YIPF1: variants seen among roughly 807,000 people sequenced by gnomAD.
YIPF1 encodes protein YIPF1.
A neutral mutation model predicts 37.0 loss-of-function variants in YIPF1; 22 were observed. The ratio of observed to expected loss-of-function variants is 0.59; its 90% CI spans 0.42 to 0.85. The LOEUF (loss-of-function observed/expected upper bound fraction) is 0.85. Among genes scored for constraint, YIPF1 ranks in the 40% least tolerant of loss-of-function variants. The pLI is 0.00. For missense variants in YIPF1, 355 were observed against 373.1 expected (o/e 0.95, Z 0.40); for synonymous variants, 128 against 131.9 (o/e 0.97, Z 0.21).
Position 53,866,245 on chromosome 1 carries a change from A to G in YIPF1, c.786T>C (p.Ile262=). 2 of 1,614,212 alleles carry G rather than the reference A, an allele frequency of 1.2e-6. No individual in the cohort carries two copies. Among genetic ancestry groups the G allele is most frequent in the East Asian group, 4.5e-5 (2 of 44,882 alleles). ...EDNRRVALAT[I]VTIVLLHMLL... ...GCATATGGAGCAACACAATTGTCAC[A>G]ATTGTGGCCAATGCAACGCGTCGGT... The change falls in exon 9 of 11, where the codon ATT becomes ATC. Residue 262 remains isoleucine, a synonymous_variant. Transcript: ENST00000072644.
chr1:53,856,510 C>T (rs542113277), intron 10 of YIPF1, among the ~76,000 whole-genome samples: 1 of 152,266 alleles, frequency 6.6e-6, no homozygotes, highest in South Asian at 2.1e-4. Context: ...TCCACATCGT[C>T]TTATCATGGT....
chr1:53,889,297 A>G lies in YIPF1; in HGVS notation c.-103T>C, dbSNP rs773332482. On this transcript the variant is annotated 5_prime_UTR_variant, in exon 2 of 11. Coordinates refer to ENST00000072644, the MANE Select transcript of YIPF1 (RefSeq NM_018982.5). ...CCTAGAGATGTAACGATGAGGAAGG[A>G]GAGGCTGAGGTTTGAAAGAGGTGAT... 1.4e-4 allele frequency: 27 copies of G among 199,490 alleles called. No individual in the cohort carries two copies. Among genetic ancestry groups the G allele is most frequent in the South Asian group, 4.0e-4 (4 of 9,992 alleles). The allele number at this position is 199,490 out of a possible 1,614,324, so 12.4% of individuals were successfully genotyped here. A position where few individuals can be genotyped will look rare whatever the true frequency, so the allele number is the denominator to read the frequency against.
intron 6 of YIPF1, among the ~76,000 whole-genome samples, chr1:53,876,637 T>G (rs1393277980): frequency 6.6e-6 from 1 of 152,222 alleles, no homozygotes; most frequent in Non-Finnish European, 1.5e-5. Context: ...GCTACAGTGT[T>G]GATTTGAAAA....
chr1:53,887,853 A>T (rs1202465517), intron 3 of YIPF1, among the ~76,000 whole-genome samples: 1 of 152,224 alleles, frequency 6.6e-6, no homozygotes, highest in Admixed American at 6.5e-5. Flanking sequence ...TAACTATTTC[A>T]TAAAGTTGAC....
At chr1:53,861,278 C>T (rs1032431637) in intron 9 of YIPF1, among the ~76,000 whole-genome samples, 4 of 152,158 alleles carry the variant, frequency 2.6e-5, no homozygotes, top group African/African-American at 9.7e-5. Context: ...GAGTCCCTAA[C>T]TTAAGTGGGG....
At chr1:53,855,262 C>T (rs142632841) in intron 10 of YIPF1, among the ~76,000 whole-genome samples, 4 of 152,002 alleles carry the variant, frequency 2.6e-5, no homozygotes, top group African/African-American at 4.8e-5. Flanking sequence ...GGCCCTCCTC[C>T]GGACAGCCCC....
intron 10 of YIPF1, among the ~76,000 whole-genome samples, chr1:53,853,255 T>A (rs1244015109): frequency 2.0e-5 from 3 of 152,200 alleles, no homozygotes; most frequent in Non-Finnish European, 4.4e-5. Flanking sequence ...TATTATTTAT[T>A]TAATTATAAT....
At chr1:53,873,265 A>G (rs77225075) in intron 6 of YIPF1, among the ~76,000 whole-genome samples, 3,718 of 152,292 alleles carry the variant, frequency 0.024, 303 homozygotes, top group Admixed American at 0.17. Context: ...GGGAGCATAT[A>G]GGGAAGGTGG....
chr1:53,863,358 T>TA (rs1345826078), intron 9 of YIPF1, among the ~76,000 whole-genome samples: 1 of 152,192 alleles, frequency 6.6e-6, no homozygotes, highest in East Asian at 1.9e-4. Flanking sequence ...ACTTGGGTAC[T>TA]ATGGAGGAAT....
At chr1:53,869,460 T>C (rs1650119986) in intron 7 of YIPF1, among the ~76,000 whole-genome samples, 1 of 152,188 alleles carries the variant, frequency 6.6e-6, no homozygotes, top group South Asian at 2.1e-4. Context: ...AATATTATTA[T>C]TTCCATTTCA....
chr1:53,863,354 G>T (rs1649934022), intron 9 of YIPF1, among the ~76,000 whole-genome samples: 1 of 152,198 alleles, frequency 6.6e-6, no homozygotes, highest in African/African-American at 2.4e-5. Context: ...TCTTACTTGG[G>T]TACTATGGAG....
At chr1:53,861,945 C>T (rs1244557069) in intron 9 of YIPF1, among the ~76,000 whole-genome samples, 3 of 152,166 alleles carry the variant, frequency 2.0e-5, no homozygotes, top group Non-Finnish European at 4.4e-5. Flanking sequence ...GCCCAGGAGG[C>T]AGAGGTTGCA....
chr1:53,857,515 A>G (rs188583829), intron 10 of YIPF1, among the ~76,000 whole-genome samples: 508 of 152,304 alleles, frequency 3.3e-3, no homozygotes, highest in Non-Finnish European at 5.8e-3. Flanking sequence ...AAAATGGGAA[A>G]GTGAAAAACC....
At position 53,869,160 on chromosome 1, in the gene YIPF1, T is replaced by TCACA. The variant is rs55922911; in HGVS notation, c.481+2208_481+2211dup. On this transcript the variant is annotated intron_variant, in intron 7 of 10. Transcript: ENST00000072644. ...CTCTCTCTCTCTCTCTCTCTCTCTC[T>TCACA]CACACACACACACACACACACACAC... 6.2e-3 allele frequency among the ~76,000 whole-genome samples: 858 copies of TCACA among 138,012 alleles called. 3 individuals carry two copies. The highest frequency in any genetic ancestry group is 0.015 in the Middle Eastern group (4 of 270). The allele number at this position is 138,012 out of a possible 152,430, so 90.5% of individuals were successfully genotyped here. A position where few individuals can be genotyped will look rare whatever the true frequency, so the allele number is the denominator to read the frequency against.
intron 9 of YIPF1, among the ~76,000 whole-genome samples, chr1:53,862,417 G>C (rs1649907639): frequency 6.6e-6 from 1 of 152,144 alleles, no homozygotes; most frequent in Non-Finnish European, 1.5e-5. Flanking sequence ...AGTAGGGGTA[G>C]GGCACAGCTC....
In YIPF1 at chr1:53,866,328, G is replaced by A. The variant is rs777138256; in HGVS notation, c.703C>T (p.Leu235=). ...GCCAAGAGAGATCCTGAGATGCCCA[G>A]GGCAATCATGACTAGAATCCAACGA... The part of the protein sequence containing the change: ...AVRWILVMIA[L]GISGSLLAMT... The change falls in exon 9 of 11, where the codon CTG becomes TTG. Residue 235 remains leucine (L), a synonymous_variant. Coordinates refer to ENST00000072644, the MANE Select transcript of YIPF1 (RefSeq NM_018982.5). The A allele has an allele frequency of 1.4e-5, 22 of 1,613,988 alleles. No homozygotes were observed. The highest frequency in any genetic ancestry group is 8.0e-5 in the African/African-American group (6 of 74,906).
chr1:53,871,263 C>T (rs578240491), intron 7 of YIPF1, 109 bp downstream of exon 7: 1 of 893,204 alleles, frequency 1.1e-6, no homozygotes, highest in African/African-American at 1.7e-5. Flanking sequence ...CCCTAAAACA[C>T]AAAAGCAGGG....
chr1:53,869,596 T>C (rs574600544), intron 7 of YIPF1, among the ~76,000 whole-genome samples: 8 of 152,236 alleles, frequency 5.3e-5, no homozygotes, highest in Non-Finnish European at 7.4e-5. Flanking sequence ...CCAGGCTACT[T>C]ACAGCCTCTC....
At chr1:53,885,837 A>AG (rs1557612318) in intron 3 of YIPF1, among the ~76,000 whole-genome samples, 2 of 149,976 alleles carry the variant, frequency 1.3e-5, no homozygotes, top group Admixed American at 6.7e-5. Flanking sequence ...AAAAAAAAAA[A>AG]AGAGAGAAAA....
Sources: gnomAD v4.1 joint callset for allele counts (sites outside exome capture counted in the v4.1 genomes callset) on GRCh38, gnomAD v4.1.1 for gene constraint, MANE v1.5 for transcripts, NCBI Gene and HGNC (gene_info 2026-07-23, HGNC 2026-07-21) for gene names.